PHLPP1: variants seen among roughly 807,000 people sequenced by gnomAD.
PHLPP1 encodes the protein PH domain leucine-rich repeat-containing protein phosphatase 1.
In PHLPP1, 42 loss-of-function variants were observed where a neutral mutation model predicts 117.2. The observed-to-expected ratio is 0.36, with a 90% CI of 0.28 to 0.46. The LOEUF (loss-of-function observed/expected upper bound fraction) is 0.46, where lower values mean the gene tolerates loss of function less well. Among genes scored for constraint, PHLPP1 ranks in the 20% least tolerant of loss-of-function variants. PHLPP1 has a pLI of 1.00. For missense variants in PHLPP1, 2,084 were observed against 2,241.9 expected (o/e 0.93, Z 1.42); for synonymous variants, 1,042 against 970.7 (o/e 1.07, Z -1.37).
intron 1 of PHLPP1, among the ~76,000 whole-genome samples, chr18:62,729,476 C>G (rs1212804157): frequency 6.6e-6 from 1 of 152,128 alleles, no homozygotes; most frequent in Non-Finnish European, 1.5e-5. Flanking sequence ...GCGGGCAGAT[C>G]ACTTGAGGTC....
chr18:62,860,123 A>G (rs1021976760), intron 3 of PHLPP1, among the ~76,000 whole-genome samples: 6 of 152,218 alleles, frequency 3.9e-5, no homozygotes, highest in Non-Finnish European at 7.3e-5. Context: ...TTGTAACAAA[A>G]TGGTAAATAT....
intron 2 of PHLPP1, among the ~76,000 whole-genome samples, chr18:62,836,925 C>T (rs1244585236): frequency 2.6e-5 from 4 of 151,980 alleles, no homozygotes; most frequent in African/African-American, 9.7e-5. Flanking sequence ...CCACTGCACT[C>T]CAGCCTGGGC....
At chr18:62,745,682 A>G (rs1471477574) in intron 1 of PHLPP1, among the ~76,000 whole-genome samples, 1 of 152,226 alleles carries the variant, frequency 6.6e-6, no homozygotes, top group Non-Finnish European at 1.5e-5. Context: ...CATTTTTTAA[A>G]CCATTTCAGT....
At chr18:62,970,745 A>T (rs760985690) in intron 14 of PHLPP1, among the ~76,000 whole-genome samples, 1 of 152,138 alleles carries the variant, frequency 6.6e-6, no homozygotes, top group Non-Finnish European at 1.5e-5. Flanking sequence ...AGCCTGTGTG[A>T]CAGAGTGAGA....
rs1910727053 is a variant in PHLPP1 at position 62,716,195 on chromosome 18, G to A, written c.512G>A (p.Ser171Asn). 6.6e-7 allele frequency: 1 copy of A among 1,521,322 alleles called. No homozygotes were observed. The highest frequency in any genetic ancestry group is 8.8e-7 in the Non-Finnish European group (1 of 1,140,452). 94.2% of individuals were successfully genotyped at this position (1,521,322 alleles called of 1,614,324 possible). The change falls in exon 1 of 17, where the codon AGC becomes AAC. Residue 171 changes from serine (S) to asparagine (N), a missense_variant. Around this residue, in one of 2 missense-constraint regions of PHLPP1, gnomAD observed 719 missense variants for 636.0 expected, o/e 1.13. Coordinates refer to ENST00000262719, the MANE Select transcript of PHLPP1 (RefSeq NM_194449.4). This position sits in a 1 kb window ranked among gnomAD's most constrained non-coding sequence, Gnocchi z 5.7. ...CSASASLCTRSLDRKTLLLKH... is the reference protein window; with the variant it reads ...CSASASLCTRNLDRKTLLLKH... ...GCCTCGGCGTCGCTGTGCACCCGGA[G>A]CCTGGACAGGAAGACGCTGCTTCTG... is the stretch of plus-strand genomic sequence containing the variant.
At chr18:62,901,813 A>G (rs1916731100) in intron 6 of PHLPP1, among the ~76,000 whole-genome samples, 1 of 151,564 alleles carries the variant, frequency 6.6e-6, no homozygotes, top group African/African-American at 2.4e-5. Flanking sequence ...TTTTTTTAGT[A>G]GAGATGGGGT....
intron 1 of PHLPP1, among the ~76,000 whole-genome samples, chr18:62,813,611 A>G (rs561944428): frequency 6.6e-6 from 1 of 152,220 alleles, no homozygotes; most frequent in African/African-American, 2.4e-5. Flanking sequence ...TAGTAACATA[A>G]TACTGTAACT....
chr18:62,732,056 G>C (rs1288807351), intron 1 of PHLPP1, among the ~76,000 whole-genome samples: 1 of 152,350 alleles, frequency 6.6e-6, no homozygotes, highest in Non-Finnish European at 1.5e-5. Flanking sequence ...TGTAGAACCT[G>C]ATGTAGAATC....
At chr18:62,929,104 A>C (rs1599126170) in intron 10 of PHLPP1, among the ~76,000 whole-genome samples, 2 of 152,174 alleles carry the variant, frequency 1.3e-5, no homozygotes, top group African/African-American at 2.4e-5. Context: ...AAAATCACTA[A>C]GTCACACAAT....
intron 1 of PHLPP1, among the ~76,000 whole-genome samples, chr18:62,788,161 A>G (rs986663024): frequency 4.6e-5 from 7 of 152,130 alleles, no homozygotes; most frequent in Non-Finnish European, 7.4e-5. Flanking sequence ...GGCCCTTTTA[A>G]GTTTGTTTTC....
chr18:62,973,917 T>C (rs1184385262), intron 15 of PHLPP1, among the ~76,000 whole-genome samples: 1 of 152,100 alleles, frequency 6.6e-6, no homozygotes, highest in Non-Finnish European at 1.5e-5. Context: ...TGACCTCAGG[T>C]TGTGAGACTC....
intron 16 of PHLPP1, among the ~76,000 whole-genome samples, chr18:62,975,989 C>T (rs1328189015): frequency 6.6e-6 from 1 of 152,208 alleles, no homozygotes; most frequent in Non-Finnish European, 1.5e-5. Context: ...CCTCTCTAAG[C>T]CTCAGTTTTC....
chr18:62,767,240 A>G (rs546856673), intron 1 of PHLPP1, among the ~76,000 whole-genome samples: 2 of 152,372 alleles, frequency 1.3e-5, no homozygotes, highest in South Asian at 2.1e-4. Context: ...GTTAAAATAC[A>G]TAATTTCAAA....
intron 1 of PHLPP1, among the ~76,000 whole-genome samples, chr18:62,822,266 T>TTG (rs1914482506): frequency 7.6e-6 from 1 of 131,324 alleles, no homozygotes; most frequent in Non-Finnish European, 1.6e-5. Context: ...GAAAATAGTG[T>TTG]TTTTTTTTTT....
chr18:62,877,760 G>T (rs1041771252), intron 4 of PHLPP1, among the ~76,000 whole-genome samples: 1 of 152,184 alleles, frequency 6.6e-6, no homozygotes, highest in South Asian at 2.1e-4. Context: ...AAGCAGAGCC[G>T]GCAGGTGGTG....
At chr18:62,795,539 T>A (rs2144294713) in intron 1 of PHLPP1, among the ~76,000 whole-genome samples, 1 of 151,284 alleles carries the variant, frequency 6.6e-6, no homozygotes, top group East Asian at 1.9e-4. Flanking sequence ...TAAAAACCAT[T>A]CTTAACTCAC....
intron 3 of PHLPP1, among the ~76,000 whole-genome samples, chr18:62,841,727 A>G (rs1915056419): frequency 6.6e-6 from 1 of 152,202 alleles, no homozygotes; most frequent in Non-Finnish European, 1.5e-5. Context: ...GTATGTAGAC[A>G]GTAATTCACA....
chr18:62,755,985 C>CT (rs1452746807), intron 1 of PHLPP1, among the ~76,000 whole-genome samples: 1 of 144,326 alleles, frequency 6.9e-6, no homozygotes, highest in African/African-American at 2.6e-5. Context: ...TTTTTGTTCC[C>CT]CCCCCCCTTC....
intron 1 of PHLPP1, among the ~76,000 whole-genome samples, chr18:62,828,262 A>G (rs1009724363): frequency 3.3e-5 from 5 of 152,208 alleles, no homozygotes; most frequent in African/African-American, 4.8e-5. Context: ...CTCTCTAGAT[A>G]TAAATGAACT....
Sources: gnomAD v4.1 joint callset for allele counts (sites outside exome capture counted in the v4.1 genomes callset) on GRCh38, gnomAD v4.1.1 for gene constraint, gnomAD v4.1.1 regional missense constraint, Gnocchi (gnomAD v3.1) non-coding constraint, MANE v1.5 for transcripts, NCBI Gene and HGNC (gene_info 2026-07-23, HGNC 2026-07-21) for gene names.